GPC6: variants seen among roughly 807,000 people sequenced by gnomAD.
GPC6 encodes glypican 6.
A neutral mutation model predicts 55.2 loss-of-function variants in GPC6; 14 were observed. The observed-to-expected ratio is 0.25, with a 90% confidence interval of 0.17 to 0.40. The LOEUF (loss-of-function observed/expected upper bound fraction) is 0.40. Ranked by LOEUF, GPC6 falls within the 10% of genes least tolerant of loss-of-function variation. GPC6 has a pLI of 1.00. For synonymous variants in GPC6, 278 were observed against 259.6 expected, an observed-to-expected ratio of 1.07 and a Z score of -0.68; for missense variants, 641 against 708.5, an observed-to-expected ratio of 0.90 and a Z score of 1.08.
chr13:94,226,635 A>G (rs1231521619), intron 4 of GPC6, among the ~76,000 whole-genome samples: 1 of 152,194 alleles, frequency 6.6e-6, no homozygotes, highest in African/African-American at 2.4e-5. Flanking sequence ...AAACAAACAC[A>G]TACATCACAG....
chr13:93,320,481 G>T (rs1879398974), intron 1 of GPC6, among the ~76,000 whole-genome samples: 2 of 151,904 alleles, frequency 1.3e-5, no homozygotes, highest in Non-Finnish European at 2.9e-5. Flanking sequence ...GTTTTGAGAG[G>T]AAACGAATTA....
intron 2 of GPC6, among the ~76,000 whole-genome samples, chr13:93,589,708 C>T (rs563451011): frequency 1.3e-5 from 2 of 152,234 alleles, no homozygotes; most frequent in South Asian, 2.1e-4. Context: ...GGCCATTTGA[C>T]CCTTTGATTA....
At chr13:94,002,522 G>A (rs532322620) in intron 3 of GPC6, among the ~76,000 whole-genome samples, 3 of 151,906 alleles carry the variant, frequency 2.0e-5, no homozygotes, top group African/African-American at 7.2e-5. Flanking sequence ...CTTTTTCTTT[G>A]CCAGAACATT....
intron 6 of GPC6, among the ~76,000 whole-genome samples, chr13:94,371,795 G>T (rs1681984767): frequency 6.6e-6 from 1 of 152,162 alleles, no homozygotes; most frequent in Admixed American, 6.5e-5. Flanking sequence ...AATAATGGTT[G>T]ACTATTTTGC....
intron 4 of GPC6, among the ~76,000 whole-genome samples, chr13:94,262,389 G>C (rs1450303069): frequency 1.3e-5 from 2 of 151,916 alleles, no homozygotes; most frequent in Non-Finnish European, 2.9e-5. Context: ...CACTGGTCCA[G>C]GGGCCGGGTG....
intron 1 of GPC6, among the ~76,000 whole-genome samples, chr13:93,243,089 C>T (rs1008993): frequency 0.2 from 29,784 of 152,134 alleles, 3,138 homozygotes; most frequent in Admixed American, 0.31. Context: ...GATCGCAGCC[C>T]GCTCCAGTAC....
At chr13:93,914,979 AT>A (rs1877212270) in intron 3 of GPC6, among the ~76,000 whole-genome samples, 1 of 152,180 alleles carries the variant, frequency 6.6e-6, no homozygotes, top group Non-Finnish European at 1.5e-5. Flanking sequence ...AGTATTGGAC[AT>A]TTTCACATAA....
chr13:94,266,187 GAGA>G (rs1365713127), intron 4 of GPC6, among the ~76,000 whole-genome samples: 22 of 113,588 alleles, frequency 1.9e-4, no homozygotes, highest in East Asian at 8.0e-4. Context: ...TTTGTTTTTT[GAGA>G]AGGAGTCTCG....
At chr13:93,381,271 A>G (rs527330937) in intron 1 of GPC6, among the ~76,000 whole-genome samples, 1 of 152,252 alleles carries the variant, frequency 6.6e-6, no homozygotes, top group East Asian at 1.9e-4. Flanking sequence ...CACAGTGGAC[A>G]TTGTGCTCTT....
the GPC6 span, among the ~76,000 whole-genome samples, chr13:93,220,674 T>C: frequency 6.6e-6 from 1 of 152,188 alleles, no homozygotes; most frequent in Non-Finnish European, 1.5e-5. Flanking sequence ...TTCCTAATGA[T>C]GTTATGAAAT....
At chr13:94,202,234 A>G (rs1417682320) in intron 4 of GPC6, among the ~76,000 whole-genome samples, 1 of 152,246 alleles carries the variant, frequency 6.6e-6, no homozygotes, top group East Asian at 1.9e-4. Context: ...ATCAAGAACT[A>G]AATGAAATCA....
chr13:93,595,782 A>G (rs1877700783), intron 2 of GPC6, among the ~76,000 whole-genome samples: 2 of 152,310 alleles, frequency 1.3e-5, no homozygotes, highest in South Asian at 2.1e-4. Context: ...GTGATTTGGC[A>G]TATTGCAGAG....
intron 2 of GPC6, among the ~76,000 whole-genome samples, chr13:93,564,872 T>C (rs148265529): frequency 6.6e-6 from 1 of 152,330 alleles, no homozygotes; most frequent in African/African-American, 2.4e-5. Flanking sequence ...CCTAAGTCTA[T>C]TTGTTAATTC....
At chr13:94,283,191 G>T (rs115385395) in intron 4 of GPC6, among the ~76,000 whole-genome samples, 1 of 152,134 alleles carries the variant, frequency 6.6e-6, no homozygotes, top group African/African-American at 2.4e-5. Flanking sequence ...TACAGTACCT[G>T]GAGGTGGTGA....
chr13:93,541,807 T>G (rs1313322873), intron 1 of GPC6, among the ~76,000 whole-genome samples: 1 of 150,870 alleles, frequency 6.6e-6, no homozygotes, highest in Non-Finnish European at 1.5e-5. Context: ...ATGTGTTTTT[T>G]GGCTGCATAA....
chr13:93,989,483 A>T (rs533762905), intron 3 of GPC6, among the ~76,000 whole-genome samples: 11 of 152,326 alleles, frequency 7.2e-5, no homozygotes, highest in Non-Finnish European at 1.5e-4. Flanking sequence ...GAGCAAGAAG[A>T]TTCTCCAGCA....
chr13:93,984,419 T>C (rs1038655787), intron 3 of GPC6, among the ~76,000 whole-genome samples: 2 of 152,160 alleles, frequency 1.3e-5, no homozygotes, highest in African/African-American at 4.8e-5. Flanking sequence ...AAAACTGAAA[T>C]GAAATGAAGA....
intron 1 of GPC6, among the ~76,000 whole-genome samples, chr13:93,477,819 A>G (rs965296857): frequency 3.3e-5 from 5 of 152,256 alleles, no homozygotes; most frequent in Admixed American, 2.0e-4. Flanking sequence ...TTCCTTAACT[A>G]TTTGTTTCTT....
At chr13:94,340,316 T>TGAA (rs2139155103) in intron 6 of GPC6, among the ~76,000 whole-genome samples, 1 of 152,062 alleles carries the variant, frequency 6.6e-6, no homozygotes, top group African/African-American at 2.4e-5. Context: ...GTAACTCCTC[T>TGAA]GAAGAACATT....
Sources: allele counts gnomAD v4.1 joint callset (sites outside exome capture counted in the v4.1 genomes callset), GRCh38; gene constraint gnomAD v4.1.1; transcripts MANE v1.5; gene names NCBI Gene and HGNC (gene_info 2026-07-23, HGNC 2026-07-21).